Variants in TNRC6B observed in about 807,000 individuals in gnomAD.
TNRC6B encodes the protein trinucleotide repeat containing adaptor 6B, also known as trinucleotide repeat-containing gene 6B protein.
TNRC6B carries 52 observed loss-of-function variants against 203.6 expected under a neutral mutation model. The ratio of observed to expected loss-of-function variants is 0.26; its 90% CI spans 0.20 to 0.32. The LOEUF (loss-of-function observed/expected upper bound fraction) is 0.32, where lower values mean the gene tolerates loss of function less well. Among genes scored for constraint, TNRC6B ranks in the 10% least tolerant of loss-of-function variants. The probability of loss-of-function intolerance (pLI) is 1.00; values close to 1 mark genes in which losing one functional copy is unlikely to be tolerated. For missense variants in TNRC6B, 1,923 were observed against 2,286.2 expected (o/e 0.84, Z 3.24); for synonymous variants, 838 against 845.7 (o/e 0.99, Z 0.16).
At chr22:40,159,111 C>A (rs1485761949) in intron 4 of TNRC6B, among the ~76,000 whole-genome samples, 1 of 151,302 alleles carries the variant, frequency 6.6e-6, no homozygotes, top group East Asian at 2.0e-4. Context: ...TACAGGCGCC[C>A]ACCATCACAC....
At position 40,262,678 on chromosome 22, in the gene TNRC6B, T is replaced by C. The variant is rs575093214; in HGVS notation, c.457+505T>C. Among the ~76,000 whole-genome samples the C allele has an allele frequency of 3.9e-5, 6 of 152,252 alleles. No homozygotes were observed. The South Asian group carries it at 1.2e-3, about 32-fold the overall frequency. On this transcript the variant is annotated intron_variant, in intron 4 of 22. Coordinates refer to ENST00000454349, the MANE Select transcript of TNRC6B (RefSeq NM_001162501.2). ...AGTATTTCTTTTTGTGGGCCCTGGA[T>C]TTTGAGCTTTGTTAAAAACTGTATG...
At chr22:40,296,400 T>C (rs1358058398) in intron 12 of TNRC6B, among the ~76,000 whole-genome samples, 3 of 151,064 alleles carry the variant, frequency 2.0e-5, no homozygotes, top group Admixed American at 1.3e-4. Context: ...GGCGTGATCT[T>C]GGCTCACTGC....
chr22:40,098,466 T>C (rs2068204516), intron 1 of TNRC6B, among the ~76,000 whole-genome samples: 1 of 151,892 alleles, frequency 6.6e-6, no homozygotes, highest in South Asian at 2.1e-4. Flanking sequence ...GTTGTCATAT[T>C]GTGCTGTAGA....
At chr22:40,096,708 G>A (rs1463742471) in intron 1 of TNRC6B, among the ~76,000 whole-genome samples, 2 of 152,034 alleles carry the variant, frequency 1.3e-5, no homozygotes, top group African/African-American at 4.8e-5. Context: ...GCCAACGAAT[G>A]TCTATAAAAA....
chr22:40,112,090 A>G (rs1307643217), intron 1 of TNRC6B, among the ~76,000 whole-genome samples: 2 of 152,052 alleles, frequency 1.3e-5, no homozygotes, highest in African/African-American at 4.8e-5. Context: ...ACAGAGTGAG[A>G]CTCCCTCTCA....
chr22:40,051,046 G>C (rs2067740256), intron 1 of TNRC6B, among the ~76,000 whole-genome samples: 2 of 151,952 alleles, frequency 1.3e-5, no homozygotes, highest in Non-Finnish European at 1.5e-5. Flanking sequence ...GCTGGTCTTG[G>C]ACTCCTGACC....
intron 9 of TNRC6B, among the ~76,000 whole-genome samples, chr22:40,279,084 T>C (rs2070691025): frequency 6.6e-6 from 1 of 152,172 alleles, no homozygotes. Flanking sequence ...CTTAAAATGC[T>C]CTATGGGGCC....
intron 1 of TNRC6B, among the ~76,000 whole-genome samples, chr22:40,109,499 A>G (rs1332916167): frequency 6.6e-6 from 1 of 152,178 alleles, no homozygotes; most frequent in Non-Finnish European, 1.5e-5. Flanking sequence ...ATGAGATGGC[A>G]TCTCATTGTG....
chr22:40,266,330 C>T lies in TNRC6B; in HGVS notation c.2100C>T (p.Asp700=). The change falls in exon 5 of 23, where the codon GAC becomes GAT. Residue 700 remains aspartate, a synonymous_variant. Coordinates refer to ENST00000454349, the MANE Select transcript of TNRC6B (RefSeq NM_001162501.2). ...KDPKNTGGWN[D]YKNNNSSNWG... Reference sequence around the variant, plus strand: ...CCAAGAACACAGGAGGCTGGAATGACTACAAGAACAACAACTCTTCCAACT... The same window carrying T: ...CCAAGAACACAGGAGGCTGGAATGATTACAAGAACAACAACTCTTCCAACT... 2 of 1,604,180 alleles carry T rather than the reference C, an allele frequency of 1.2e-6. No homozygotes were observed. The highest frequency in any genetic ancestry group is 1.3e-5 in the African/African-American group (1 of 74,854).
chr22:40,113,951 C>T (rs1248036233), intron 1 of TNRC6B, among the ~76,000 whole-genome samples: 1 of 152,128 alleles, frequency 6.6e-6, no homozygotes, highest in Non-Finnish European at 1.5e-5. Context: ...TTATTTGCGA[C>T]TCAATTAAAA....
At chr22:40,169,547 T>A (rs1361466990) in intron 4 of TNRC6B, among the ~76,000 whole-genome samples, 1 of 152,252 alleles carries the variant, frequency 6.6e-6, no homozygotes, top group Non-Finnish European at 1.5e-5. Context: ...CAAAATATAC[T>A]GCGTACTTAC....
intron 12 of TNRC6B, among the ~76,000 whole-genome samples, chr22:40,292,515 T>G (rs994004627): frequency 2.6e-5 from 4 of 152,232 alleles, no homozygotes; most frequent in Admixed American, 6.5e-5. Context: ...ATTGCTGTCA[T>G]TTTGCACCTG....
In TNRC6B at chr22:40,316,074, G is replaced by T. The variant is rs897828162; in HGVS notation, c.4974+62G>T. 3.3e-6 allele frequency: 5 copies of T among 1,498,912 alleles called. No homozygotes were observed. The African/African-American group carries it at 6.9e-5, about 21-fold the overall frequency. The allele number at this position is 1,498,912 out of a possible 1,614,324, so 92.9% of individuals were successfully genotyped here. A position where few individuals can be genotyped will look rare whatever the true frequency, so the allele number is the denominator to read the frequency against. Reference sequence around the variant, plus strand: ...TGATTGTATTAAGAGAGAGGGAAAGGTTGGGCATGGTGGCTCATGCCTGTA... The same window carrying T: ...TGATTGTATTAAGAGAGAGGGAAAGTTTGGGCATGGTGGCTCATGCCTGTA... On this transcript the variant is annotated intron_variant, in intron 21 of 22. Transcript: ENST00000454349.
intron 1 of TNRC6B, among the ~76,000 whole-genome samples, chr22:40,195,582 C>A (rs1464634612): frequency 6.6e-6 from 1 of 152,018 alleles, no homozygotes; most frequent in African/African-American, 2.4e-5. Flanking sequence ...GGGTTAGCCT[C>A]CCAAGTAGTT....
At chr22:40,162,363 G>A (rs1220272659) in intron 4 of TNRC6B, among the ~76,000 whole-genome samples, 1 of 152,022 alleles carries the variant, frequency 6.6e-6, no homozygotes, top group Non-Finnish European at 1.5e-5. Context: ...CAAAGTGCTG[G>A]GATTACAGGC....
At chr22:40,300,260 A>C (rs1325533087) in intron 12 of TNRC6B, among the ~76,000 whole-genome samples, 195 bp from the exon 13 acceptor site, 1 of 152,100 alleles carries the variant, frequency 6.6e-6, no homozygotes, top group Non-Finnish European at 1.5e-5. Context: ...AAATTTAAAA[A>C]CTGTTGTAAT....
At chr22:40,299,239 TC>T (rs1242154261) in intron 12 of TNRC6B, among the ~76,000 whole-genome samples, 2 of 146,218 alleles carry the variant, frequency 1.4e-5, no homozygotes, top group African/African-American at 5.1e-5. Context: ...AGAACTAAAG[TC>T]TTTTTTTTTT....
At position 40,262,165 on chromosome 22, in the gene TNRC6B, C is replaced by A. The variant is rs930678025; in HGVS notation, c.449C>A (p.Thr150Asn). 7 of 1,411,138 alleles carry A rather than the reference C, an allele frequency of 5.0e-6. No homozygotes were observed. Among genetic ancestry groups the A allele is most frequent in the Admixed American group, 2.3e-5 (1 of 43,170 alleles). 87.4% of individuals were successfully genotyped at this position (1,411,138 alleles called of 1,614,324 possible). A position where few individuals can be genotyped will look rare whatever the true frequency, so the allele number is the denominator to read the frequency against. ...GCGCTGCTGCAGAGTGAGAGTGGGA[C>A]TGCGCCAGGTAAGGCACCCTGTGAA... ...TGALLQSESG[T>N]APDSTLGGAA... The change falls in exon 4 of 23, where the codon ACT (threonine) becomes AAT (asparagine). Residue 150 changes from threonine (T) to asparagine (N), a missense_variant. This residue lies in a region of TNRC6B where 614 missense variants were observed against 587.7 expected (regional missense o/e 1.04). Transcript: ENST00000454349.
chr22:40,094,416 T>TA (rs1242854727), intron 1 of TNRC6B, among the ~76,000 whole-genome samples: 1 of 152,152 alleles, frequency 6.6e-6, no homozygotes, highest in Non-Finnish European at 1.5e-5. Context: ...ATTGATGAAA[T>TA]ATAGTATTTT....
Sources: allele counts gnomAD v4.1 joint callset (sites outside exome capture counted in the v4.1 genomes callset), GRCh38; gene constraint gnomAD v4.1.1; regional missense constraint gnomAD v4.1.1; transcripts MANE v1.5; gene names NCBI Gene and HGNC (gene_info 2026-07-23, HGNC 2026-07-21).